The following PDGFC variants were observed in gnomAD, a reference collection of about 807,000 sequenced individuals.
PDGFC encodes the protein platelet-derived growth factor C.
In PDGFC, 12 loss-of-function variants were observed where a neutral mutation model predicts 35.5. That is an observed-to-expected ratio of 0.34 (90% CI 0.22 to 0.55). The LOEUF is 0.55. PDGFC is among the 20% of genes least tolerant of loss of function. The pLI, the probability that PDGFC is intolerant of heterozygous loss-of-function variation, is 0.91. For missense variants in PDGFC, 322 were observed against 412.4 expected (o/e 0.78, Z 1.90); for synonymous variants, 159 against 148.8 (o/e 1.07, Z -0.50).
At chr4:156,965,373 A>G (rs377664074) in intron 1 of PDGFC, among the ~76,000 whole-genome samples, 86 of 152,238 alleles carry the variant, frequency 5.6e-4, no homozygotes, top group Middle Eastern at 3.4e-3. Flanking sequence ...CGCTCTCAAC[A>G]ACTTAGATTT....
chr4:156,804,594 T>C (rs1202319083), intron 3 of PDGFC, among the ~76,000 whole-genome samples: 2 of 151,962 alleles, frequency 1.3e-5, no homozygotes, highest in Non-Finnish European at 2.9e-5. Flanking sequence ...TGCATTTTTA[T>C]AGGTATTTTT....
intron 2 of PDGFC, among the ~76,000 whole-genome samples, chr4:156,834,158 T>C (rs1161324249): frequency 2.0e-5 from 3 of 152,164 alleles, no homozygotes; most frequent in African/African-American, 4.8e-5. Context: ...TTTTTATCTC[T>C]TGGGAAAATC....
intron 3 of PDGFC, among the ~76,000 whole-genome samples, chr4:156,788,620 G>A (rs1167846703): frequency 1.3e-5 from 2 of 152,152 alleles, no homozygotes; most frequent in Non-Finnish European, 1.5e-5. Context: ...AGGGTATTTG[G>A]TTCAAAGTAT....
chr4:156,962,332 C>A (rs1239985115), intron 1 of PDGFC, among the ~76,000 whole-genome samples: 1 of 152,098 alleles, frequency 6.6e-6, no homozygotes, highest in Non-Finnish European at 1.5e-5. Context: ...CCCTCTCAGA[C>A]CCGCTTCAAA....
chr4:156,946,001 T>C (rs1213657198), intron 1 of PDGFC, among the ~76,000 whole-genome samples: 1 of 152,136 alleles, frequency 6.6e-6, no homozygotes, highest in Non-Finnish European at 1.5e-5. Context: ...ATAGTTATCA[T>C]GCCAACAAGA....
chr4:156,955,923 T>C (rs1033378176), intron 1 of PDGFC, among the ~76,000 whole-genome samples: 11 of 152,018 alleles, frequency 7.2e-5, no homozygotes. Context: ...CTCTTCCTTT[T>C]CCGGTGAATT....
At chr4:156,889,961 T>C (rs559411528) in intron 1 of PDGFC, among the ~76,000 whole-genome samples, 4 of 152,306 alleles carry the variant, frequency 2.6e-5, no homozygotes, top group East Asian at 1.9e-4. Context: ...GGTAACTTAT[T>C]TGATTGACTC....
intron 1 of PDGFC, among the ~76,000 whole-genome samples, chr4:156,887,972 C>T (rs982225398): frequency 1.3e-5 from 2 of 148,206 alleles, no homozygotes; most frequent in African/African-American, 5.0e-5. Flanking sequence ...CACTGCACTC[C>T]AGCCTGGGCA....
At chr4:156,955,418 G>C (rs912868213) in intron 1 of PDGFC, among the ~76,000 whole-genome samples, 1 of 151,990 alleles carries the variant, frequency 6.6e-6, no homozygotes, top group African/African-American at 2.4e-5. Flanking sequence ...ATAACTACGT[G>C]AGGTGATGGA....
chr4:156,885,718 C>A (rs1730361234), intron 1 of PDGFC, among the ~76,000 whole-genome samples: 1 of 151,992 alleles, frequency 6.6e-6, no homozygotes, highest in Non-Finnish European at 1.5e-5. Context: ...CAGCGAGACT[C>A]CACCTCTACA....
At chr4:156,905,237 G>GGA (rs1730885017) in intron 1 of PDGFC, among the ~76,000 whole-genome samples, 1 of 151,982 alleles carries the variant, frequency 6.6e-6, no homozygotes, top group African/African-American at 2.4e-5. Context: ...GCAAATAAAA[G>GGA]TTTGGCAATC....
chr4:156,793,562 T>TATATATATATATATAA (rs1391337141), intron 3 of PDGFC, among the ~76,000 whole-genome samples: 1 of 136,132 alleles, frequency 7.3e-6, no homozygotes, highest in Non-Finnish European at 1.5e-5. Flanking sequence ...TATATATATA[T>TATATATATATATATAA]AAAACACTTT....
intron 1 of PDGFC, among the ~76,000 whole-genome samples, chr4:156,857,373 G>A (rs1358714846): frequency 6.6e-6 from 1 of 152,062 alleles, no homozygotes; most frequent in Admixed American, 6.6e-5. Context: ...TTTTTAGATA[G>A]TGATTTCAAA....
chr4:156,943,593 T>C (rs1206104738), intron 1 of PDGFC, among the ~76,000 whole-genome samples: 1 of 152,030 alleles, frequency 6.6e-6, no homozygotes, highest in East Asian at 1.9e-4. Flanking sequence ...TTTATTGGCC[T>C]CCCTGCATCA....
rs569503128 is a variant in PDGFC, at chr4:156,872,736, C to T, written c.119-22320G>A. Among the ~76,000 whole-genome samples the T allele has an allele frequency of 3.3e-5, 5 of 152,298 alleles. 1 individual carries two copies. The South Asian group carries it at 1.0e-3, about 32-fold the overall frequency. ...ATGACTTGACCTTTGATAAGGAATG[C>T]TTCTGTACCAAATAAACATTTAAGT... is the stretch of plus-strand genomic sequence containing the variant. On this transcript the variant is annotated intron_variant, in intron 1 of 5. Coordinates refer to ENST00000502773, the MANE Select transcript of PDGFC (RefSeq NM_016205.3).
At chr4:156,918,773 C>T (rs1479723702) in intron 1 of PDGFC, among the ~76,000 whole-genome samples, 1 of 152,158 alleles carries the variant, frequency 6.6e-6, no homozygotes, top group African/African-American at 2.4e-5. Context: ...CCAAAAAGGT[C>T]AGGGACGGCT....
chr4:156,937,454 A>G (rs1731710302), intron 1 of PDGFC, among the ~76,000 whole-genome samples: 1 of 152,142 alleles, frequency 6.6e-6, no homozygotes, highest in Non-Finnish European at 1.5e-5. Context: ...AACCCCAGCA[A>G]TTTGGGAGGC....
At chr4:156,809,424 T>C (rs551016952) in intron 3 of PDGFC, among the ~76,000 whole-genome samples, 2 of 152,066 alleles carry the variant, frequency 1.3e-5, no homozygotes, top group Admixed American at 1.3e-4. Flanking sequence ...GGTTCTTACT[T>C]CATCACAAGT....
At chr4:156,891,756 T>C (rs182954128) in intron 1 of PDGFC, among the ~76,000 whole-genome samples, 1 of 152,226 alleles carries the variant, frequency 6.6e-6, no homozygotes, top group Non-Finnish European at 1.5e-5. Context: ...CTTTAATATG[T>C]GTCCTAAGAC....
Sources: allele counts gnomAD v4.1 joint callset (sites outside exome capture counted in the v4.1 genomes callset), GRCh38; gene constraint gnomAD v4.1.1; transcripts MANE v1.5; gene names NCBI Gene and HGNC (gene_info 2026-07-23, HGNC 2026-07-21).